The following GPR20 variants were observed in gnomAD, a reference collection of about 807,000 sequenced individuals.
The protein encoded by GPR20 is CTD-3064M3.3.
For synonymous variants in GPR20, 241 were observed against 241.9 expected (o/e 1.00, Z 0.04); for missense variants, 494 against 527.4 (o/e 0.94, Z 0.62).
chr8:141,359,135 C>G (rs924941626), intron 1 of GPR20, among the ~76,000 whole-genome samples: 1 of 152,080 alleles, frequency 6.6e-6, no homozygotes, highest in Non-Finnish European at 1.5e-5. Flanking sequence ...GCTCGTGGGC[C>G]GTTTCTTCTG....
rs755315702 is a variant in GPR20, at chr8:141,357,916, G to C, written c.8C>G (p.Ser3Cys). The C allele has an allele frequency of 6.4e-7, 1 of 1,552,572 alleles. No homozygotes were observed. The highest frequency in any genetic ancestry group is 8.7e-7 in the Non-Finnish European group (1 of 1,144,456). ...GGCCGAGGGCCCCGCTGGAGACACAGAGGGCATGACGGCAGCCAGCACACC... is the reference window on the plus strand; with the variant it reads ...GGCCGAGGGCCCCGCTGGAGACACACAGGGCATGACGGCAGCCAGCACACC... MP[S>C]VSPAGPSAGA... Residue 3 changes from serine (S) to cysteine (C), a missense_variant, in exon 2 of 2, where the codon TCT (serine) becomes TGT (cysteine). By Grantham distance (112) the Ser-to-Cys change is moderately radical (BLOSUM62 -1). Coordinates refer to ENST00000377741, the MANE Select transcript of GPR20 (RefSeq NM_005293.3).
chr8:141,357,617 C>G lies in GPR20; in HGVS notation c.307G>C (p.Gly103Arg), dbSNP rs1335640573. 6.2e-7 allele frequency: 1 copy of G among 1,613,868 alleles called. No individual in the cohort carries two copies. The highest frequency in any genetic ancestry group is 1.3e-5 in the African/African-American group (1 of 74,940). ...GCGAAGCGCGTGGGCAGGGACAGCC[C>G]TACCAGTAGATCGGTCACCACCAGG... ...INLVVTDLLVGLSLPTRFAVY... is the reference protein window; with the variant it reads ...INLVVTDLLVRLSLPTRFAVY... The change falls in exon 2 of 2, where the codon GGG (glycine) becomes CGG (arginine). Residue 103 changes from glycine (G) to arginine (R), a missense_variant. Coordinates refer to ENST00000377741, the MANE Select transcript of GPR20 (RefSeq NM_005293.3).
At chr8:141,359,780 A>T (rs920033528) in intron 1 of GPR20, among the ~76,000 whole-genome samples, 3 of 152,170 alleles carry the variant, frequency 2.0e-5, no homozygotes, top group Admixed American at 2.0e-4. Flanking sequence ...GAGCCCCAGA[A>T]GGTCCCCCCG....
At chr8:141,364,506 G>T (rs1831785591) in intron 1 of GPR20, among the ~76,000 whole-genome samples, 1 of 152,130 alleles carries the variant, frequency 6.6e-6, no homozygotes, top group African/African-American at 2.4e-5. Context: ...CTGGCCAGAA[G>T]CCAAGTCTTT....
intron 1 of GPR20, among the ~76,000 whole-genome samples, chr8:141,365,367 G>A (rs1831799308): frequency 6.6e-6 from 1 of 152,248 alleles, no homozygotes; most frequent in Admixed American, 6.5e-5. Context: ...CCCAGCTGGG[G>A]TGCAGGAGGG....
At chr8:141,362,289 T>C (rs938817953) in intron 1 of GPR20, among the ~76,000 whole-genome samples, 1 of 152,138 alleles carries the variant, frequency 6.6e-6, no homozygotes, top group East Asian at 1.9e-4. Context: ...CTCTCTCTGG[T>C]GCATCCTCCC....
At position 141,357,654 on chromosome 8, in the gene GPR20, G is replaced by C. The variant is rs752702788; in HGVS notation, c.270C>G (p.Ile90Met). 1 of 1,613,996 alleles carries C rather than the reference G, an allele frequency of 6.2e-7. No homozygotes were observed. The highest frequency in any genetic ancestry group is 2.2e-5 in the East Asian group (1 of 44,886). ...CGGTCACCACCAGGTTGATGGTGTA[G>C]ATGACTGAGGGTGTCTTGGCCCGGG... is the stretch of plus-strand genomic sequence containing the variant. The part of the protein sequence containing the change: ...CRTRAKTPSV[I>M]YTINLVVTDL... The change falls in exon 2 of 2, where the codon ATC becomes ATG. Residue 90 changes from isoleucine (I) to methionine (M), a missense_variant. Transcript: ENST00000377741.
At chr8:141,366,355 G>A (rs368717443) in intron 1 of GPR20, among the ~76,000 whole-genome samples, 3 of 152,210 alleles carry the variant, frequency 2.0e-5, no homozygotes, top group African/African-American at 7.2e-5. Context: ...CAAGTGGACA[G>A]GCCCAGCCTC....
intron 1 of GPR20, among the ~76,000 whole-genome samples, chr8:141,365,043 G>C (rs1831794710): frequency 6.6e-6 from 1 of 152,198 alleles, no homozygotes. Context: ...GGTCCTCTCA[G>C]CCTCTTCCCT....
In GPR20 at chr8:141,363,269, G is replaced by A. The variant is rs111390110; in HGVS notation, c.-25+3932C>T. Among the ~76,000 whole-genome samples, 234 of 152,368 alleles carry A rather than the reference G, an allele frequency of 1.5e-3. 1 individual carries two copies. Among genetic ancestry groups the A allele is most frequent in the Middle Eastern group, 6.8e-3 (2 of 294 alleles). Reference sequence around the variant, plus strand: ...GACACCCCCAACATGGGAGGCGTGCGATATAAGAGCACGGGAGGCTCCTGG... The same window carrying A: ...GACACCCCCAACATGGGAGGCGTGCAATATAAGAGCACGGGAGGCTCCTGG... On this transcript the variant is annotated intron_variant, in intron 1 of 1. Coordinates refer to ENST00000377741, the MANE Select transcript of GPR20 (RefSeq NM_005293.3).
chr8:141,366,392 A>G (rs1174062197), intron 1 of GPR20, among the ~76,000 whole-genome samples: 2 of 151,968 alleles, frequency 1.3e-5, no homozygotes, highest in Non-Finnish European at 2.9e-5. Context: ...CCGTCCTGCG[A>G]GGTCGCCAGC....
chr8:141,364,497 TG>T (rs1396786945), intron 1 of GPR20, among the ~76,000 whole-genome samples: 1 of 152,116 alleles, frequency 6.6e-6, no homozygotes, highest in African/African-American at 2.4e-5. Flanking sequence ...CAGGTGACCC[TG>T]GCCAGAAGCC....
Position 141,357,275 on chromosome 8 carries a change from C to G in GPR20, c.649G>C (p.Gly217Arg). 1 of 1,542,552 alleles carries G rather than the reference C, an allele frequency of 6.5e-7. No homozygotes were observed. The highest frequency in any genetic ancestry group is 8.7e-7 in the Non-Finnish European group (1 of 1,148,608). The part of the protein sequence containing the change: ...LPLLVISVFT[G>R]RIMCALSRPG... ...CGCGACAGTGCACACATGATGCGGCCGGTAAACACGCTGATGACCAGCAGG... is the reference window on the plus strand; with the variant it reads ...CGCGACAGTGCACACATGATGCGGCGGGTAAACACGCTGATGACCAGCAGG... Residue 217 changes from glycine (G) to arginine (R), a missense_variant, in exon 2 of 2, where the codon GGC (glycine) becomes CGC (arginine). Coordinates refer to ENST00000377741, the MANE Select transcript of GPR20 (RefSeq NM_005293.3).
chr8:141,365,601 G>T (rs1457694430), intron 1 of GPR20, among the ~76,000 whole-genome samples: 1 of 152,240 alleles, frequency 6.6e-6, no homozygotes, highest in Non-Finnish European at 1.5e-5. Flanking sequence ...TCAGGGTAGG[G>T]TGGGAGGTGG....
rs539678055 is a variant in GPR20 at position 141,363,112 on chromosome 8, C to T, written c.-25+4089G>A. Among the ~76,000 whole-genome samples, 12 of 152,378 alleles carry T rather than the reference C, an allele frequency of 7.9e-5. 1 individual carries two copies. The South Asian group carries it at 2.5e-3, about 32-fold the overall frequency. On this transcript the variant is annotated intron_variant, in intron 1 of 1. Transcript: ENST00000377741. ...TGCAGGCCAGCTCTACCACCCGCCA[C>T]CTTCGAGGCCTCGGGCAAATCATTT...
chr8:141,361,188 G>A (rs1316212415), intron 1 of GPR20, among the ~76,000 whole-genome samples: 1 of 152,222 alleles, frequency 6.6e-6, no homozygotes, highest in Non-Finnish European at 1.5e-5. Context: ...CCAGGGCTGG[G>A]AGGTTTCTCT....
At chr8:141,359,543 C>T (rs1031990044) in intron 1 of GPR20, among the ~76,000 whole-genome samples, 1 of 152,214 alleles carries the variant, frequency 6.6e-6, no homozygotes, top group Admixed American at 6.5e-5. Flanking sequence ...CACACAAGGG[C>T]CCAGGCTCAG....
At position 141,357,016 on chromosome 8, in the gene GPR20, C is replaced by A; in HGVS notation, c.908G>T (p.Gly303Val). The A allele has an allele frequency of 6.2e-7, 1 of 1,613,140 alleles. No individual in the cohort carries two copies. The highest frequency in any genetic ancestry group is 8.5e-7 in the Non-Finnish European group (1 of 1,179,874). ...DPIVYCFVTS[G>V]FQATVRGLFG... ...GAGGCCTCGGACGGTGGCCTGGAAG[C>A]CACTGGTGACGAAGCAGTAGACGAT... Residue 303 changes from glycine to valine, a missense_variant, in exon 2 of 2, where the codon GGC becomes GTC. Coordinates refer to ENST00000377741, the MANE Select transcript of GPR20 (RefSeq NM_005293.3).
rs1338403331 is a variant in GPR20 at position 141,357,020 on chromosome 8, T to A, written c.904A>T (p.Ser302Cys). Residue 302 changes from serine to cysteine, a missense_variant, in exon 2 of 2, where the codon AGT becomes TGT. Transcript: ENST00000377741. ...CCTCGGACGGTGGCCTGGAAGCCAC[T>A]GGTGACGAAGCAGTAGACGATGGGG... ...MDPIVYCFVT[S>C]GFQATVRGLF... 6.2e-7 allele frequency: 1 copy of A among 1,612,982 alleles called. No homozygotes were observed. The highest frequency in any genetic ancestry group is 1.3e-5 in the African/African-American group (1 of 74,948).
Sources: gnomAD v4.1 joint callset for allele counts (sites outside exome capture counted in the v4.1 genomes callset) on GRCh38, gnomAD v4.1.1 for gene constraint, MANE v1.5 for transcripts, NCBI Gene and HGNC (gene_info 2026-07-23, HGNC 2026-07-21) for gene names.